The following PTPRD variants were observed in gnomAD, a reference collection of about 807,000 sequenced individuals.
PTPRD encodes receptor-type tyrosine-protein phosphatase delta.
A neutral mutation model predicts 214.5 loss-of-function variants in PTPRD; 34 were observed. The ratio of observed to expected loss-of-function variants is 0.16; its 90% CI spans 0.12 to 0.21. The LOEUF (loss-of-function observed/expected upper bound fraction) is 0.21. PTPRD is among the 10% of genes least tolerant of loss of function. The pLI is 1.00. For missense variants in PTPRD, 2,545 were observed against 2,398.7 expected (o/e 1.06, Z -1.27); for synonymous variants, 1,128 against 845.7 (o/e 1.33, Z -5.79).
chr9:9,708,607 G>A (rs551554793), intron 7 of PTPRD, among the ~76,000 whole-genome samples: 1 of 151,986 alleles, frequency 6.6e-6, no homozygotes, highest in Non-Finnish European at 1.5e-5. Context: ...GTCCTCAAGA[G>A]TATTTCACGG....
At position 10,432,292 on chromosome 9, in the gene PTPRD, G is replaced by C. The variant is rs867282657; in HGVS notation, c.-599-91275C>G. Among the ~76,000 whole-genome samples, 326 of 116,536 alleles carry C rather than the reference G, an allele frequency of 2.8e-3. 3 individuals are homozygous for C. Among genetic ancestry groups the C allele is most frequent in the African/African-American group, 0.01 (311 of 30,806 alleles). The allele number at this position is 116,536 out of a possible 152,430, so 76.5% of individuals were successfully genotyped here. On this transcript the variant is annotated intron_variant, in intron 2 of 45. Transcript: ENST00000381196. The stretch of plus-strand genomic sequence containing the variant: ...CACACTCTGGGGACTGTGGTGGGGT[G>C]GGGGGAGGGGGGAGGGATAGCATTG...
intron 5 of PTPRD, among the ~76,000 whole-genome samples, chr9:9,791,838 C>A (rs1461583188): frequency 6.6e-6 from 1 of 152,134 alleles, no homozygotes; most frequent in South Asian, 2.1e-4. Context: ...TTCTAAATAG[C>A]AGCCATGCTG....
rs1359005252 is a variant in PTPRD, at chr9:10,406,999, T to G, written c.-599-65982A>C. Among the ~76,000 whole-genome samples, 7 of 151,598 alleles carry G rather than the reference T, an allele frequency of 4.6e-5. No individual in the cohort carries two copies. The Admixed American group carries it at 4.6e-4, about 10-fold the overall frequency. ...CAATGTTCAATTATTTTTGTATTAA[T>G]GTCATCAGACCATAGACACAATTTC... On this transcript the variant is annotated intron_variant, in intron 2 of 45. Transcript: ENST00000381196.
At chr9:9,603,638 G>A (rs1536422) in intron 7 of PTPRD, among the ~76,000 whole-genome samples, 14 of 151,724 alleles carry the variant, frequency 9.2e-5, no homozygotes, top group African/African-American at 3.4e-4. Context: ...GCATGTGTGA[G>A]GGATCTGAGT....
intron 12 of PTPRD, among the ~76,000 whole-genome samples, chr9:8,699,302 T>C (rs1465627152): frequency 6.6e-6 from 1 of 152,188 alleles, no homozygotes; most frequent in African/African-American, 2.4e-5. Flanking sequence ...CCTTTCAACA[T>C]ATCCCCACAG....
intron 5 of PTPRD, among the ~76,000 whole-genome samples, chr9:9,934,148 C>A (rs2088097095): frequency 1.3e-5 from 2 of 148,830 alleles, no homozygotes; most frequent in South Asian, 4.2e-4. Flanking sequence ...AATTGACACC[C>A]TAACATCACA....
At chr9:8,542,206 T>A (rs2078633411) in intron 14 of PTPRD, among the ~76,000 whole-genome samples, 1 of 152,222 alleles carries the variant, frequency 6.6e-6, no homozygotes, top group African/African-American at 2.4e-5. Context: ...GTGTGGGCAC[T>A]TCGGTGCTTG....
chr9:9,738,984 G>C (rs933161742), intron 6 of PTPRD, among the ~76,000 whole-genome samples: 3 of 151,960 alleles, frequency 2.0e-5, no homozygotes, highest in Admixed American at 6.6e-5. Context: ...CTTGTATATA[G>C]AAATGCATTT....
intron 5 of PTPRD, among the ~76,000 whole-genome samples, chr9:9,929,631 A>G (rs1050644404): frequency 6.6e-6 from 1 of 152,116 alleles, no homozygotes; most frequent in Admixed American, 6.5e-5. Context: ...TGACCTCGTG[A>G]TCTGCCCACC....
intron 5 of PTPRD, among the ~76,000 whole-genome samples, chr9:9,877,886 T>C (rs2067346073): frequency 1.3e-5 from 2 of 151,000 alleles, no homozygotes; most frequent in South Asian, 4.2e-4. Context: ...GGCAGGAGAA[T>C]TGCTTTACCC....
Position 9,333,397 on chromosome 9 carries a change from G to C in PTPRD, c.-203+64052C>G, listed in dbSNP as rs552163614. On this transcript the variant is annotated intron_variant, in intron 9 of 45. Transcript: ENST00000381196. Reference sequence around the variant, plus strand: ...AGTAAAGACAGAGAGAGTATGGATTGTTTAGGGGAGAATAAAAGCTACATA... The same window carrying C: ...AGTAAAGACAGAGAGAGTATGGATTCTTTAGGGGAGAATAAAAGCTACATA... Among the ~76,000 whole-genome samples the C allele has an allele frequency of 1.6e-3, 243 of 150,644 alleles. 1 individual carries two copies. Among genetic ancestry groups the C allele is most frequent in the African/African-American group, 5.6e-3 (229 of 40,996 alleles).
intron 7 of PTPRD, among the ~76,000 whole-genome samples, chr9:9,637,609 G>C (rs2095812992): frequency 6.6e-6 from 1 of 152,184 alleles, no homozygotes; most frequent in Admixed American, 6.5e-5. Flanking sequence ...GCTTTTCTGG[G>C]TGCAGACCAT....
chr9:9,402,732 T>C (rs1187756428), intron 8 of PTPRD, among the ~76,000 whole-genome samples: 2 of 33,344 alleles, frequency 6.0e-5, no homozygotes, highest in African/African-American at 3.1e-4. Flanking sequence ...GTGAAAGACA[T>C]ATCAAAAAAA....
At chr9:9,134,639 G>C (rs2099848106) in intron 10 of PTPRD, among the ~76,000 whole-genome samples, 1 of 152,156 alleles carries the variant, frequency 6.6e-6, no homozygotes, top group Admixed American at 6.5e-5. Context: ...GCCCAGTGGA[G>C]ACTCTCCCTT....
chr9:10,472,917 A>G (rs1042029914), intron 2 of PTPRD, among the ~76,000 whole-genome samples: 3 of 152,006 alleles, frequency 2.0e-5, no homozygotes, highest in African/African-American at 7.2e-5. Flanking sequence ...AAAAACAATT[A>G]AAAGTGAGTT....
intron 5 of PTPRD, among the ~76,000 whole-genome samples, chr9:9,771,621 C>G (rs1398246365): frequency 2.0e-5 from 3 of 152,132 alleles, no homozygotes; most frequent in African/African-American, 7.2e-5. Flanking sequence ...CTTTTTTCAA[C>G]CTATCTTGGA....
chr9:9,244,978 A>T (rs1247445551), intron 9 of PTPRD, among the ~76,000 whole-genome samples: 1 of 152,222 alleles, frequency 6.6e-6, no homozygotes, highest in Non-Finnish European at 1.5e-5. Context: ...TGAGTGAAGG[A>T]TAAGAACAGA....
chr9:9,063,877 G>A (rs780975923), intron 10 of PTPRD, among the ~76,000 whole-genome samples: 1 of 152,250 alleles, frequency 6.6e-6, no homozygotes, highest in African/African-American at 2.4e-5. Flanking sequence ...CATAGCTTAC[G>A]TATGATAATG....
rs376383684 is a variant in PTPRD, at chr9:8,830,569, C to G, written c.-103-96623G>C. 1.9e-4 allele frequency among the ~76,000 whole-genome samples: 29 copies of G among 152,168 alleles called. 1 individual carries two copies. The South Asian group carries it at 2.7e-3, about 14-fold the overall frequency. Reference sequence around the variant, plus strand: ...TGTGACCAAACAGAAAAGTGAGGACCATGATCATCTCAAAACTCCTTCAAC... The same window carrying G: ...TGTGACCAAACAGAAAAGTGAGGACGATGATCATCTCAAAACTCCTTCAAC... On this transcript the variant is annotated intron_variant, in intron 11 of 45. Coordinates refer to ENST00000381196, the MANE Select transcript of PTPRD (RefSeq NM_002839.4).
Sources: allele counts gnomAD v4.1 joint callset (sites outside exome capture counted in the v4.1 genomes callset), GRCh38; gene constraint gnomAD v4.1.1; transcripts MANE v1.5; gene names NCBI Gene and HGNC (gene_info 2026-07-23, HGNC 2026-07-21).